Variants in TTN observed in about 807,000 individuals in gnomAD.
The protein encoded by TTN is connectin.
TTN carries 1,525 observed loss-of-function variants against 3,223.0 expected under a neutral mutation model. The observed-to-expected ratio is 0.47, with a 90% CI of 0.45 to 0.49. The LOEUF is 0.49. Among genes scored for constraint, TTN ranks in the 20% least tolerant of loss-of-function variants. The probability of loss-of-function intolerance (pLI) is 0.00; values close to 1 mark genes in which losing one functional copy is unlikely to be tolerated. For synonymous variants in TTN, 14,094 were observed against 15,161.0 expected, an observed-to-expected ratio of 0.93 and a Z score of 5.17; for missense variants, 40,786 against 43,424.0, an observed-to-expected ratio of 0.94 and a Z score of 5.40.
At position 178,540,059 on chromosome 2, in the gene TTN, A is replaced by G. The variant is rs2288325; in HGVS notation, c.98098+9T>C. On this transcript the variant is annotated intron_variant, in intron 351 of 362. Coordinates refer to ENST00000589042, the MANE Select transcript of TTN (RefSeq NM_001267550.2). Reference sequence around the variant, plus strand: ...ATTATTGCAGAAAGCAAATGATCATATGTCTCACCAAGCATTTCAGTGACT... The same window carrying G: ...ATTATTGCAGAAAGCAAATGATCATGTGTCTCACCAAGCATTTCAGTGACT... 3.1e-6 allele frequency: 5 copies of G among 1,595,192 alleles called. No individual in the cohort carries two copies. Among genetic ancestry groups the G allele is most frequent in the Non-Finnish European group, 4.3e-6 (5 of 1,169,252 alleles).
intron 2 of TTN, among the ~76,000 whole-genome samples, chr2:178,804,011 T>G (rs1366180597): frequency 6.6e-6 from 1 of 152,220 alleles, no homozygotes; most frequent in Non-Finnish European, 1.5e-5. Flanking sequence ...AGTCTTTTAA[T>G]TCATTAGAAT....
In TTN at chr2:178,693,954, G is replaced by T; in HGVS notation, c.31481C>A (p.Ala10494Asp). Residue 10494 changes from alanine (A) to aspartate (D), a missense_variant, in exon 118 of 363, where the codon GCT (alanine) becomes GAT (aspartate). Physicochemically the swap from Ala to Asp is moderately radical, Grantham distance 126. Coordinates refer to ENST00000589042, the MANE Select transcript of TTN (RefSeq NM_001267550.2). ...TGACACCTCCTCCTCTGTGTGAGAAGCAAAGAACATCTTTTCTTCTGAAAT... is the reference window on the plus strand; with the variant it reads ...TGACACCTCCTCCTCTGTGTGAGAATCAAAGAACATCTTTTCTTCTGAAAT... Reference protein sequence around the residue: ...MVISEEKMFFASHTEEEVSVT... With the variant: ...MVISEEKMFFDSHTEEEVSVT... 1 of 1,612,960 alleles carries T rather than the reference G, an allele frequency of 6.2e-7. No individual in the cohort carries two copies. Among genetic ancestry groups the T allele is most frequent in the Non-Finnish European group, 8.5e-7 (1 of 1,179,328 alleles).
intron 127 of TTN, among the ~76,000 whole-genome samples, chr2:178,686,477 G>C (rs911313630): frequency 6.6e-6 from 1 of 152,000 alleles, no homozygotes; most frequent in Non-Finnish European, 1.5e-5. Flanking sequence ...AAATGCAGTG[G>C]TGTAATCACA....
intron 354 of TTN, 34 bp from the exon 355 acceptor site, chr2:178,537,951 TTAATACTCAATC>T (rs1559073296): frequency 6.6e-7 from 1 of 1,510,608 alleles, no homozygotes; most frequent in Admixed American, 2.0e-5. Context: ...TAAGTGACTG[TTAATACTCAATC>T]TGTAATCCTT....
chr2:178,572,155 GCCTT>G lies in TTN; in HGVS notation c.73973_73976del (p.Lys24658ThrfsTer21). On this transcript the variant is annotated frameshift_variant, in exon 326 of 363. Transcript: ENST00000589042. LOFTEE classifies it high-confidence loss of function. ...TGGCACACGTGGCCCATTTGTCACT[GCCTT>G]TGGTCTGCATCTCCACAATGTAGCC... is the stretch of plus-strand genomic sequence containing the variant. 1 of 1,613,402 alleles carries G rather than the reference GCCTT, an allele frequency of 6.2e-7. No homozygotes were observed. The highest frequency in any genetic ancestry group is 8.5e-7 in the Non-Finnish European group (1 of 1,179,622).
In TTN at chr2:178,536,521, C is replaced by G; in HGVS notation, c.100226G>C (p.Cys33409Ser). The change falls in exon 357 of 363, where the codon TGT becomes TCT. Residue 33409 changes from cysteine to serine, a missense_variant. Coordinates refer to ENST00000589042, the MANE Select transcript of TTN (RefSeq NM_001267550.2). ...GGCAGGTGGCTTCCAGGCCACAACA[C>G]AAGAATCTTTTGTGACAGCAGTAAT... is the stretch of plus-strand genomic sequence containing the variant. ...PTITAVTKDS[C>S]VVAWKPPASD... 6.5e-7 allele frequency: 1 copy of G among 1,533,850 alleles called. No homozygotes were observed. The highest frequency in any genetic ancestry group is 8.7e-7 in the Non-Finnish European group (1 of 1,144,352).
chr2:178,709,695 T>C lies in TTN; in HGVS notation c.28624A>G (p.Ile9542Val), dbSNP rs1474085210. 16 of 1,613,822 alleles carry C rather than the reference T, an allele frequency of 9.9e-6. No individual in the cohort carries two copies. The East Asian group carries it at 1.6e-4, about 16-fold the overall frequency. ...ACTAACGTGTTGTTCTTGAATGTTA[T>C]TTCACAGTTAGAAGTTGGTTGTATC... is the stretch of plus-strand genomic sequence containing the variant. ...IEIQPTSNCEITFKNNTLVLQ... is the reference protein window; with the variant it reads ...IEIQPTSNCEVTFKNNTLVLQ... Residue 9542 changes from isoleucine (I) to valine (V), a missense_variant, in exon 99 of 363, where the codon ATA (isoleucine) becomes GTA (valine). By Grantham distance (29) the Ile-to-Val change is conservative. Transcript: ENST00000589042.
chr2:178,750,086 A>G, intron 47 of TTN: 3 of 1,613,170 alleles, frequency 1.9e-6, no homozygotes, highest in Non-Finnish European at 2.5e-6. Context: ...TGTTACCTGA[A>G]TTTCTACAGG....
chr2:178,555,092 G>C lies in TTN; in HGVS notation c.88367C>G (p.Thr29456Arg), dbSNP rs1468721085. 1.2e-6 allele frequency: 2 copies of C among 1,613,746 alleles called. No homozygotes were observed. The highest frequency in any genetic ancestry group is 1.7e-6 in the Non-Finnish European group (2 of 1,179,774). The change falls in exon 331 of 363, where the codon ACA becomes AGA. Residue 29456 changes from threonine (T) to arginine (R), a missense_variant. Thr to Arg is a moderately conservative substitution (Grantham distance 71, BLOSUM62 -1). Transcript: ENST00000589042. ...YTEVVKYRAG[T>R]SVKLRAGISG... ...AATGCCAGCTCTGAGCTTCACAGAT[G>C]TACCTGCTCTGTATTTGACAACTTC...
rs551313395 is a variant in TTN at position 178,789,394 on chromosome 2, G to A, written c.2042C>T (p.Thr681Ile). Residue 681 changes from threonine to isoleucine, a missense_variant, in exon 13 of 363, where the codon ACT becomes ATT. Transcript: ENST00000589042. Reference protein sequence around the residue: ...TILRTRETMATRQEQIQVTHG... With the variant: ...TILRTRETMAIRQEQIQVTHG... The stretch of plus-strand genomic sequence containing the variant: ...GGTAACTTGGATTTGTTCTTGTCTA[G>A]TAGCCATAGTTTCTCTAGTTCTCAG... 39 of 1,613,218 alleles carry A rather than the reference G, an allele frequency of 2.4e-5. No individual in the cohort carries two copies. The highest frequency in any genetic ancestry group is 2.7e-5 in the Non-Finnish European group (32 of 1,179,484).
Position 178,777,560 on chromosome 2 carries a change from G to A in TTN, c.4505C>T (p.Thr1502Ile). 2 of 1,613,842 alleles carry A rather than the reference G, an allele frequency of 1.2e-6. No homozygotes were observed. Among genetic ancestry groups the A allele is most frequent in the Non-Finnish European group, 1.7e-6 (2 of 1,179,898 alleles). Residue 1502 changes from threonine to isoleucine, a missense_variant, in exon 26 of 363, where the codon ACC (threonine) becomes ATC (isoleucine). By Grantham distance (89) the Thr-to-Ile change is moderately conservative. Transcript: ENST00000589042. ...ATCTTCTTTAATGACTACTTTATGG[G>A]TATAGTCATTGACAATTTGCTGGCC... is the stretch of plus-strand genomic sequence containing the variant. ...HDGQQIVNDY[T>I]HKVVIKEDGT...
chr2:178,684,468 T>G (rs2154274729), intron 131 of TTN, 55 bp from the exon 132 acceptor site: 3 of 1,553,138 alleles, frequency 1.9e-6, no homozygotes, highest in Non-Finnish European at 2.6e-6. Context: ...GTAAAAAATA[T>G]ACTAGCCAGA....
In TTN at chr2:178,680,537, A is replaced by G. The variant is rs976061681; in HGVS notation, c.33341-206T>C. ...TACAAGTACACAGAAGTACCCAAGT[A>G]AACATGAAGTAGCAGAGCCCAAATG... On this transcript the variant is annotated intron_variant, in intron 138 of 362. Transcript: ENST00000589042. Among the ~76,000 whole-genome samples the G allele has an allele frequency of 7.2e-5, 11 of 152,060 alleles. No individual in the cohort carries two copies. The South Asian group carries it at 1.0e-3, about 14-fold the overall frequency.
At chr2:178,669,552 C>A (rs371373171) in intron 158 of TTN, 40 bp downstream of exon 158, 1 of 1,608,024 alleles carries the variant, frequency 6.2e-7, no homozygotes, top group East Asian at 2.2e-5. Flanking sequence ...AAAAACTAAA[C>A]CAAGAATTAT....
In TTN at chr2:178,575,124, C is replaced by T. The variant is rs1709584700; in HGVS notation, c.71008G>A (p.Gly23670Arg). The change falls in exon 326 of 363, where the codon GGA becomes AGA. Residue 23670 changes from glycine to arginine, a missense_variant. By Grantham distance (125) the Gly-to-Arg change is moderately radical. Coordinates refer to ENST00000589042, the MANE Select transcript of TTN (RefSeq NM_001267550.2). This position sits in a 1 kb window ranked among gnomAD's most constrained non-coding sequence, Gnocchi z 4.0. ...TGTGTCTGTTTAAGAATTTGGTCTC[C>T]TTTTTTCCATGTCACTGTGGGCTTC... ...RPKPTVTWKKGDQILKQTQRV... is the reference protein window; with the variant it reads ...RPKPTVTWKKRDQILKQTQRV... 6.2e-7 allele frequency: 1 copy of T among 1,612,932 alleles called. No individual in the cohort carries two copies.
At chr2:178,639,491 A>C (rs1328544629) in intron 223 of TTN, among the ~76,000 whole-genome samples, 1 of 152,062 alleles carries the variant, frequency 6.6e-6, no homozygotes, top group East Asian at 1.9e-4. Context: ...CGTACATTCC[A>C]GTTAAGGCAC....
chr2:178,641,364 A>G, intron 219 of TTN, 49 bp from the exon 220 acceptor site: 1 of 1,091,700 alleles, frequency 9.2e-7, no homozygotes, highest in Non-Finnish European at 1.3e-6. Flanking sequence ...ACTAATGAAG[A>G]TGTTGAATAA....
rs1456583888 is a variant in TTN at position 178,596,453 on chromosome 2, G to T, written c.57545-644C>A. ...GGGATACAAGAGATGGGTAAGAGTG[G>T]CATAGTCAGTTTCTATGTCCAGTTT... On this transcript the variant is annotated intron_variant, in intron 294 of 362. Coordinates refer to ENST00000589042, the MANE Select transcript of TTN (RefSeq NM_001267550.2). Among the ~76,000 whole-genome samples the T allele has an allele frequency of 3.9e-5, 6 of 151,982 alleles. No individual in the cohort carries two copies. The East Asian group carries it at 1.2e-3, about 30-fold the overall frequency.
rs397517766 is a variant in TTN at position 178,542,743 on chromosome 2, T to C, written c.97111A>G (p.Ile32371Val). 107 of 1,613,740 alleles carry C rather than the reference T, an allele frequency of 6.6e-5. No individual in the cohort carries two copies. The highest frequency in any genetic ancestry group is 8.6e-5 in the Non-Finnish European group (101 of 1,179,772). The change falls in exon 348 of 363, where the codon ATC becomes GTC. Residue 32371 changes from isoleucine (I) to valine (V), a missense_variant. Transcript: ENST00000589042. ...AGTGTGTATTCTCCAGTATCTCTGA[T>C]AGTGGTTTCACGGATGGTTAATTTA... ...VAKLTIRETT[I>V]RDTGEYTLEL...
Sources: allele counts gnomAD v4.1 joint callset (sites outside exome capture counted in the v4.1 genomes callset), GRCh38; gene constraint gnomAD v4.1.1; non-coding constraint Gnocchi (gnomAD v3.1); transcripts MANE v1.5; gene names NCBI Gene and HGNC (gene_info 2026-07-23, HGNC 2026-07-21).